The following ANKS1B variants were observed in gnomAD, a reference collection of about 807,000 sequenced individuals.
ANKS1B encodes ankyrin repeat and sterile alpha motif domain containing 1B.
A neutral mutation model predicts 148.3 loss-of-function variants in ANKS1B; 36 were observed. The observed-to-expected ratio is 0.24, with a 90% CI of 0.19 to 0.32. The LOEUF (loss-of-function observed/expected upper bound fraction) is 0.32. ANKS1B is among the 10% of genes least tolerant of loss of function. The pLI is 1.00. For synonymous variants in ANKS1B, 542 were observed against 560.8 expected, an observed-to-expected ratio of 0.97 and a Z score of 0.47; for missense variants, 1,157 against 1,542.6, an observed-to-expected ratio of 0.75 and a Z score of 4.19.
chr12:99,835,659 T>C (rs1354506544), intron 1 of ANKS1B, among the ~76,000 whole-genome samples: 1 of 152,216 alleles, frequency 6.6e-6, no homozygotes, highest in Non-Finnish European at 1.5e-5. Flanking sequence ...CACATCACAA[T>C]TAGGACTAGC....
At chr12:99,929,551 T>C (rs1318472411) in intron 1 of ANKS1B, among the ~76,000 whole-genome samples, 8 of 152,196 alleles carry the variant, frequency 5.3e-5, no homozygotes, top group Admixed American at 5.2e-4. Context: ...CTTTTGGTGT[T>C]TTAGACATGA....
intron 1 of ANKS1B, among the ~76,000 whole-genome samples, chr12:99,880,223 C>T (rs940357347): frequency 6.6e-6 from 1 of 152,252 alleles, no homozygotes; most frequent in Middle Eastern, 3.4e-3. Flanking sequence ...AAGCGCCTTA[C>T]AGATATTAAC....
At chr12:99,947,643 G>A (rs1206632418) in intron 1 of ANKS1B, among the ~76,000 whole-genome samples, 3 of 152,014 alleles carry the variant, frequency 2.0e-5, no homozygotes, top group Non-Finnish European at 2.9e-5. Flanking sequence ...ATTATCTCAC[G>A]GTTTTGTAGG....
At chr12:99,574,579 G>A (rs1309510752) in intron 9 of ANKS1B, among the ~76,000 whole-genome samples, 2 of 151,916 alleles carry the variant, frequency 1.3e-5, no homozygotes, top group South Asian at 2.1e-4. Flanking sequence ...GGAGGATAAT[G>A]CATTATGACC....
At position 98,763,679 on chromosome 12, in the gene ANKS1B, C is replaced by T. The variant is rs1048215414; in HGVS notation, c.3579+9363G>A. ...TATATACACCCAAATACTTTCATTT[C>T]CTATATGAATATTTAAATATGAATT... On this transcript the variant is annotated intron_variant, in intron 25 of 26. Coordinates refer to ENST00000683438, the MANE Select transcript of ANKS1B (RefSeq NM_001352186.2). Among the ~76,000 whole-genome samples, 9 of 152,134 alleles carry T rather than the reference C, an allele frequency of 5.9e-5. 1 individual carries two copies. The highest frequency in any genetic ancestry group is 2.2e-4 in the African/African-American group (9 of 41,428).
chr12:99,556,772 T>C (rs2097281184), intron 9 of ANKS1B, among the ~76,000 whole-genome samples: 1 of 152,210 alleles, frequency 6.6e-6, no homozygotes, highest in Non-Finnish European at 1.5e-5. Flanking sequence ...ATTCTTAGTA[T>C]TGGTTTCTAT....
chr12:99,019,073 T>G (rs1243917522), intron 17 of ANKS1B, among the ~76,000 whole-genome samples: 1 of 152,230 alleles, frequency 6.6e-6, no homozygotes, highest in African/African-American at 2.4e-5. Context: ...CTGTGCCTGT[T>G]TTGTCACAAG....
chr12:99,637,296 C>T (rs1177727404), intron 9 of ANKS1B, among the ~76,000 whole-genome samples: 1 of 152,200 alleles, frequency 6.6e-6, no homozygotes, highest in Non-Finnish European at 1.5e-5. Context: ...CAAAGTGAGA[C>T]TCCATCTCAG....
chr12:99,878,946 A>G (rs2092311334), intron 1 of ANKS1B, among the ~76,000 whole-genome samples: 1 of 151,218 alleles, frequency 6.6e-6, no homozygotes, highest in Non-Finnish European at 1.5e-5. Context: ...TTATTTTGTT[A>G]TTGTTATTGT....
chr12:98,949,145 G>C (rs949760629), intron 17 of ANKS1B, among the ~76,000 whole-genome samples: 8 of 151,586 alleles, frequency 5.3e-5, no homozygotes, highest in African/African-American at 1.9e-4. Context: ...GTAGAGTCAG[G>C]GTTTCACTGT....
intron 17 of ANKS1B, among the ~76,000 whole-genome samples, chr12:98,928,282 C>T (rs542082837): frequency 6.7e-6 from 1 of 148,460 alleles, no homozygotes; most frequent in Non-Finnish European, 1.5e-5. Flanking sequence ...AGATTGGATT[C>T]GTAATTAAAA....
intron 9 of ANKS1B, among the ~76,000 whole-genome samples, chr12:99,594,576 T>C (rs2097737585): frequency 6.6e-6 from 1 of 151,988 alleles, no homozygotes; most frequent in South Asian, 2.1e-4. Context: ...GTGACATGGA[T>C]GAATCTTCAG....
intron 15 of ANKS1B, among the ~76,000 whole-genome samples, chr12:99,138,016 A>C (rs570064497): frequency 1.4e-3 from 207 of 152,298 alleles, no homozygotes; most frequent in Non-Finnish European, 2.4e-3. Context: ...GTGGTGCCTG[A>C]AATGTAAGCA....
At chr12:99,286,575 C>T (rs1472652365) in intron 12 of ANKS1B, among the ~76,000 whole-genome samples, 22 of 152,070 alleles carry the variant, frequency 1.4e-4, no homozygotes, top group Non-Finnish European at 4.4e-5. Flanking sequence ...AGCTTAGCCA[C>T]AGTGGAGTAG....
chr12:99,240,977 A>C (rs2089198259), intron 14 of ANKS1B, among the ~76,000 whole-genome samples: 1 of 152,220 alleles, frequency 6.6e-6, no homozygotes, highest in Non-Finnish European at 1.5e-5. Flanking sequence ...CTAACATCAC[A>C]ATTAAAAGAA....
At chr12:99,582,352 A>G (rs1406428448) in intron 9 of ANKS1B, among the ~76,000 whole-genome samples, 3 of 152,232 alleles carry the variant, frequency 2.0e-5, no homozygotes, top group South Asian at 2.1e-4. Flanking sequence ...ATTTTTTAAA[A>G]AAAAAAGACA....
At chr12:99,416,971 G>C (rs1267723238) in intron 11 of ANKS1B, among the ~76,000 whole-genome samples, 1 of 152,142 alleles carries the variant, frequency 6.6e-6, no homozygotes, top group East Asian at 1.9e-4. Context: ...CGAGGTTACT[G>C]GCATGCAGTC....
At chr12:99,549,838 GC>G (rs1274039132) in intron 9 of ANKS1B, among the ~76,000 whole-genome samples, 1 of 152,144 alleles carries the variant, frequency 6.6e-6, no homozygotes, top group Non-Finnish European at 1.5e-5. Context: ...TAAGGCTTGG[GC>G]TGTGAAAAAC....
intron 12 of ANKS1B, among the ~76,000 whole-genome samples, chr12:99,310,785 G>A (rs567293491): frequency 6.6e-6 from 1 of 152,216 alleles, no homozygotes; most frequent in South Asian, 2.1e-4. Flanking sequence ...CTATCTATCT[G>A]TCTGTCTACA....
Sources: allele counts gnomAD v4.1 joint callset (sites outside exome capture counted in the v4.1 genomes callset), GRCh38; gene constraint gnomAD v4.1.1; transcripts MANE v1.5; gene names NCBI Gene and HGNC (gene_info 2026-07-23, HGNC 2026-07-21).